MBOAT1: variants seen among roughly 807,000 people sequenced by gnomAD.
MBOAT1 encodes membrane bound glycerophospholipid O-acyltransferase 1, also known as membrane-bound glycerophospholipid O-acyltransferase 1.
In MBOAT1, 67 loss-of-function variants were observed where a neutral mutation model predicts 64.4. The observed-to-expected ratio is 1.04, with a 90% CI of 0.85 to 1.27. The LOEUF is 1.27. Ranked by LOEUF, MBOAT1 falls within the 50% of genes most tolerant of loss-of-function variation. The pLI, the probability that MBOAT1 is intolerant of heterozygous loss-of-function variation, is 0.00. For synonymous variants in MBOAT1, 229 were observed against 218.9 expected, an observed-to-expected ratio of 1.05 and a Z score of -0.41; for missense variants, 563 against 604.6, an observed-to-expected ratio of 0.93 and a Z score of 0.72.
At chr6:20,127,112 T>A (rs1405411666) in intron 6 of MBOAT1, among the ~76,000 whole-genome samples, 1 of 152,208 alleles carries the variant, frequency 6.6e-6, no homozygotes, top group African/African-American at 2.4e-5. Flanking sequence ...CCCTCCCGAT[T>A]GCCAACATAA....
At chr6:20,162,641 A>G (rs1761896016) in intron 1 of MBOAT1, among the ~76,000 whole-genome samples, 1 of 152,032 alleles carries the variant, frequency 6.6e-6, no homozygotes, top group African/African-American at 2.4e-5. Context: ...CTTCTTGACA[A>G]CTCTCGATGT....
At chr6:20,133,775 G>A (rs1472004881) in intron 4 of MBOAT1, among the ~76,000 whole-genome samples, 2 of 152,090 alleles carry the variant, frequency 1.3e-5, no homozygotes, top group Admixed American at 6.6e-5. Context: ...TCCATGATTC[G>A]GTGGCGCACG....
chr6:20,168,004 C>A (rs910015770), intron 1 of MBOAT1, among the ~76,000 whole-genome samples: 2 of 152,150 alleles, frequency 1.3e-5, no homozygotes, highest in African/African-American at 4.8e-5. Flanking sequence ...GATGAAAAGA[C>A]CTCCCCAGAA....
Position 20,118,544 on chromosome 6 carries a change from T to A in MBOAT1, c.908-4A>T. ...GCTGCGTTATTCACTGCATCAGCTA[T>A]GGTTTTTAAAGTAACACATTAGGAT... is the stretch of plus-strand genomic sequence containing the variant. On this transcript the variant is annotated splice_polypyrimidine_tract_variant and splice_region_variant and intron_variant, in intron 8 of 12. Coordinates refer to ENST00000324607, the MANE Select transcript of MBOAT1 (RefSeq NM_001080480.3). The A allele has an allele frequency of 6.2e-7, 1 of 1,611,788 alleles. No individual in the cohort carries two copies. Among genetic ancestry groups the A allele is most frequent in the South Asian group, 1.1e-5 (1 of 91,044 alleles).
At chr6:20,201,681 A>G (rs973916084) in intron 1 of MBOAT1, among the ~76,000 whole-genome samples, 2 of 151,788 alleles carry the variant, frequency 1.3e-5, no homozygotes. Flanking sequence ...CCTGGGTTCA[A>G]GCAATTCTCC....
At chr6:20,173,369 A>G (rs1280172335) in intron 1 of MBOAT1, among the ~76,000 whole-genome samples, 1 of 152,186 alleles carries the variant, frequency 6.6e-6, no homozygotes, top group East Asian at 1.9e-4. Flanking sequence ...ATGAAAGAAA[A>G]AAAAAAACTT....
At chr6:20,111,291 GC>G (rs1166363997) in intron 11 of MBOAT1, among the ~76,000 whole-genome samples, 4 of 152,148 alleles carry the variant, frequency 2.6e-5, no homozygotes, top group Non-Finnish European at 5.9e-5. Context: ...ATGCATCAGT[GC>G]CCAAGGCTGC....
In MBOAT1 at chr6:20,102,387, T is replaced by C. The variant is rs1433779617; in HGVS notation, c.1387A>G (p.Ile463Val). 18 of 1,610,772 alleles carry C rather than the reference T, an allele frequency of 1.1e-5. No homozygotes were observed. The highest frequency in any genetic ancestry group is 4.4e-5 in the South Asian group (4 of 90,720). ...AGAAATAGTATTATCAGGAGACTTA[T>C]GATGTGCAAATAAAAGTACATGGAC... Reference protein sequence around the residue: ...YKSMYFYLHIISLLIILFLPM... With the variant: ...YKSMYFYLHIVSLLIILFLPM... The change falls in exon 13 of 13, where the codon ATA (isoleucine) becomes GTA (valine). Residue 463 changes from isoleucine (I) to valine (V), a missense_variant. Coordinates refer to ENST00000324607, the MANE Select transcript of MBOAT1 (RefSeq NM_001080480.3).
rs930888823 is a variant in MBOAT1, at chr6:20,125,058, T to C, written c.715-458A>G. 3.9e-5 allele frequency among the ~76,000 whole-genome samples: 6 copies of C among 152,262 alleles called. No individual in the cohort carries two copies. The South Asian group carries it at 1.2e-3, about 32-fold the overall frequency. On this transcript the variant is annotated intron_variant, in intron 7 of 12. Coordinates refer to ENST00000324607, the MANE Select transcript of MBOAT1 (RefSeq NM_001080480.3). ...GTACGAAGGATTCTGAGCAAGTGAT[T>C]GAATACCTGGGCCAGCCAGGACATG...
At chr6:20,186,045 T>TGG (rs1186885258) in intron 1 of MBOAT1, among the ~76,000 whole-genome samples, 15 of 152,164 alleles carry the variant, frequency 9.9e-5, no homozygotes. Flanking sequence ...TAGCCCAGCA[T>TGG]GGTGGTGTAC....
At chr6:20,146,450 A>C (rs193094127) in intron 3 of MBOAT1, among the ~76,000 whole-genome samples, 68 of 152,358 alleles carry the variant, frequency 4.5e-4, no homozygotes, top group Admixed American at 2.5e-3. Flanking sequence ...TCATGGGTTC[A>C]TCCTAAACCA....
intron 9 of MBOAT1, among the ~76,000 whole-genome samples, chr6:20,118,175 T>A (rs1446922098): frequency 1.3e-5 from 2 of 152,086 alleles, no homozygotes; most frequent in Non-Finnish European, 2.9e-5. Context: ...ACAAAAAGAT[T>A]TTCCGGGCTC....
chr6:20,118,611 T>C, intron 8 of MBOAT1, 71 bp from the exon 9 acceptor site: 1 of 1,238,784 alleles, frequency 8.1e-7, no homozygotes, highest in Non-Finnish European at 1.2e-6. Context: ...AGACACTAAA[T>C]ATCTGTCTAG....
At chr6:20,143,539 C>T (rs1202781764) in intron 4 of MBOAT1, among the ~76,000 whole-genome samples, 1 of 152,092 alleles carries the variant, frequency 6.6e-6, no homozygotes. Flanking sequence ...AAAGCAAATA[C>T]TGCATGTTCT....
At chr6:20,116,405 AGAAAGTCTAAGTGCCACTTTTTTCT>A (rs1760320406) in intron 9 of MBOAT1, among the ~76,000 whole-genome samples, 2 of 152,208 alleles carry the variant, frequency 1.3e-5, no homozygotes, top group African/African-American at 4.8e-5. Flanking sequence ...TAAAGAAGGC[AGAAAGTCTAAGTGCCACTTTTTTCT>A]GAAGTGTTTT....
chr6:20,137,434 C>T lies in MBOAT1; in HGVS notation c.420-6235G>A, dbSNP rs371823628. 2.0e-5 allele frequency among the ~76,000 whole-genome samples: 3 copies of T among 152,248 alleles called. No homozygotes were observed. The East Asian group carries it at 5.8e-4, about 29-fold the overall frequency. On this transcript the variant is annotated intron_variant, in intron 4 of 12. Coordinates refer to ENST00000324607, the MANE Select transcript of MBOAT1 (RefSeq NM_001080480.3). The stretch of plus-strand genomic sequence containing the variant: ...TCACAAACCTAAAAGGAACTAAGTA[C>T]CAGCTGTATTACAAGCAATCATTGA...
chr6:20,144,578 C>T (rs781658726), intron 3 of MBOAT1, among the ~76,000 whole-genome samples: 20 of 152,132 alleles, frequency 1.3e-4, no homozygotes, highest in Admixed American at 1.3e-4. Context: ...GGACTTGCTC[C>T]CTGCTATTCC....
chr6:20,159,618 G>A (rs1339384054), intron 1 of MBOAT1, among the ~76,000 whole-genome samples: 4 of 152,096 alleles, frequency 2.6e-5, no homozygotes, highest in Non-Finnish European at 5.9e-5. Flanking sequence ...CCAGAGGCTG[G>A]GGGTGGAAGG....
intron 1 of MBOAT1, among the ~76,000 whole-genome samples, chr6:20,170,910 GAA>G (rs1474903458): frequency 1.3e-5 from 2 of 152,102 alleles, no homozygotes; most frequent in Non-Finnish European, 2.9e-5. Context: ...ATGAATGAAT[GAA>G]TGAATGAATG....
Sources: allele counts gnomAD v4.1 joint callset (sites outside exome capture counted in the v4.1 genomes callset), GRCh38; gene constraint gnomAD v4.1.1; transcripts MANE v1.5; gene names NCBI Gene and HGNC (gene_info 2026-07-23, HGNC 2026-07-21).